The following ICAM5 variants were observed in gnomAD, a reference collection of about 807,000 sequenced individuals.
The protein encoded by ICAM5 is intercellular adhesion molecule 5.
ICAM5 carries 38 observed loss-of-function variants against 78.8 expected under a neutral mutation model. The ratio of observed to expected loss-of-function variants is 0.48; its 90% confidence interval spans 0.37 to 0.63. The LOEUF is 0.63. Among genes scored for constraint, ICAM5 ranks in the 30% least tolerant of loss-of-function variants. ICAM5 has a pLI of 0.00. For missense variants in ICAM5, 1,059 were observed against 1,303.0 expected (o/e 0.81, Z 2.88); for synonymous variants, 544 against 590.9 (o/e 0.92, Z 1.15).
Position 10,293,915 on chromosome 19 carries a change from G to T in ICAM5, c.1683G>T (p.Ala561=). 2 of 1,611,440 alleles carry T rather than the reference G, an allele frequency of 1.2e-6. No individual in the cohort carries two copies. Among genetic ancestry groups the T allele is most frequent in the South Asian group, 2.2e-5 (2 of 90,990 alleles). The change falls in exon 7 of 11, where the codon GCG becomes GCT. Residue 561 remains alanine (A), a synonymous_variant. Transcript: ENST00000221980. This position sits in a 1 kb window ranked among gnomAD's most constrained non-coding sequence, Gnocchi z 5.0. ...AAGCCACCAACCCTCGGGGCTCTGC[G>T]GCCAAAAATGTGGCCGTCACGGTGG... is the stretch of plus-strand genomic sequence containing the variant. ...RCEATNPRGS[A]AKNVAVTVEY... is the part of the protein sequence containing the mutation.
At position 10,293,295 on chromosome 19, in the gene ICAM5, G is replaced by A. The variant is rs1293669216; in HGVS notation, c.1465+49G>A. 6.5e-7 allele frequency: 1 copy of A among 1,528,234 alleles called. No homozygotes were observed. Among genetic ancestry groups the A allele is most frequent in the Admixed American group, 2.1e-5 (1 of 47,964 alleles). The allele number at this position is 1,528,234 out of a possible 1,614,324, so 94.7% of individuals were successfully genotyped here. On this transcript the variant is annotated intron_variant, in intron 6 of 10. Coordinates refer to ENST00000221980, the MANE Select transcript of ICAM5 (RefSeq NM_003259.4). This position sits in a 1 kb window ranked among gnomAD's most constrained non-coding sequence, Gnocchi z 5.0. ...ATTTCTATCTGGTTCAAGGTCTGGAGGGTGGCCAGCCTCCAGGGAAGAGTA... is the reference window on the plus strand; with the variant it reads ...ATTTCTATCTGGTTCAAGGTCTGGAAGGTGGCCAGCCTCCAGGGAAGAGTA...
chr19:10,290,017 G>A lies in ICAM5; in HGVS notation c.-27G>A. 6.5e-7 allele frequency: 1 copy of A among 1,530,070 alleles called. No individual in the cohort carries two copies. The highest frequency in any genetic ancestry group is 8.8e-7 in the Non-Finnish European group (1 of 1,142,118). The allele number at this position is 1,530,070 out of a possible 1,614,324, so 94.8% of individuals were successfully genotyped here. ...CAGCTCCTCGGCTCGCGCTCTCCTC[G>A]CCTCCTGTGCTTTCCCCGCCGCGGC... On this transcript the variant is annotated 5_prime_UTR_variant, in exon 1 of 11. Coordinates refer to ENST00000221980, the MANE Select transcript of ICAM5 (RefSeq NM_003259.4). The surrounding 1 kb of genome is among the most constrained non-coding windows in gnomAD (Gnocchi z 5.7).
chr19:10,296,518 G>A lies in ICAM5; in HGVS notation c.2677G>A (p.Gly893Arg). 1 of 1,213,876 alleles carries A rather than the reference G, an allele frequency of 8.2e-7. No individual in the cohort carries two copies. The allele number at this position is 1,213,876 out of a possible 1,614,324, so 75.2% of individuals were successfully genotyped here. ...CLNGAGGGAG[G>R]AAGAEGGPEA... ...GAACGGAGCGGGCGGCGGCGCTGGC[G>A]GGGCGGCAGGCGCGGAGGGCGGACC... Residue 893 changes from glycine (G) to arginine (R), a missense_variant, in exon 11 of 11, where the codon GGG (glycine) becomes AGG (arginine). This residue lies in a region of ICAM5 where 109 missense variants were observed against 120.0 expected (regional missense o/e 0.91). Coordinates refer to ENST00000221980, the MANE Select transcript of ICAM5 (RefSeq NM_003259.4).
Position 10,296,431 on chromosome 19 carries a change from GC to G in ICAM5, c.2592del (p.Cys865AlafsTer20). On this transcript the variant is annotated frameshift_variant, in exon 11 of 11. Transcript: ENST00000221980. LOFTEE classifies it high-confidence loss of function. Reference sequence around the variant, plus strand: ...CCTGGCCTTCTACGTGCAGTCCACCGCCTGCAAGAAGGGCGAGTACAACGTG... The same window carrying G: ...CCTGGCCTTCTACGTGCAGTCCACCGCTGCAAGAAGGGCGAGTACAACGTG... ...AGLAFYVQST[A>X]CKKGEYNVQE... The G allele has an allele frequency of 7.5e-7, 1 of 1,326,668 alleles. No homozygotes were observed. The highest frequency in any genetic ancestry group is 9.7e-7 in the Non-Finnish European group (1 of 1,025,646). 82.2% of individuals were successfully genotyped at this position (1,326,668 alleles called of 1,614,324 possible).
At position 10,290,632 on chromosome 19, in the gene ICAM5, A is replaced by C. The variant is rs932008813; in HGVS notation, c.83-440A>C. The C allele has an allele frequency of 8.9e-6, 2 of 225,920 alleles. No individual in the cohort carries two copies. The highest frequency in any genetic ancestry group is 1.7e-5 in the Non-Finnish European group (2 of 114,968). 14.0% of individuals were successfully genotyped at this position (225,920 alleles called of 1,614,324 possible). On this transcript the variant is annotated intron_variant, in intron 1 of 10. Coordinates refer to ENST00000221980, the MANE Select transcript of ICAM5 (RefSeq NM_003259.4). This position sits in a 1 kb window ranked among gnomAD's most constrained non-coding sequence, Gnocchi z 5.7. Reference sequence around the variant, plus strand: ...TTCACCGGGTGTAGGGTCCTTCCTGATCCTTGACCCAGCCTCGTCTCTCCT... The same window carrying C: ...TTCACCGGGTGTAGGGTCCTTCCTGCTCCTTGACCCAGCCTCGTCTCTCCT...
In ICAM5 at chr19:10,294,724, C is replaced by T. The variant is rs1002527145; in HGVS notation, c.2230+84C>T. 2.5e-6 allele frequency: 4 copies of T among 1,575,404 alleles called. No homozygotes were observed. Among genetic ancestry groups the T allele is most frequent in the Non-Finnish European group, 2.6e-6 (3 of 1,162,472 alleles). On this transcript the variant is annotated intron_variant, in intron 9 of 10. Coordinates refer to ENST00000221980, the MANE Select transcript of ICAM5 (RefSeq NM_003259.4). This position sits in a 1 kb window ranked among gnomAD's most constrained non-coding sequence, Gnocchi z 7.7. ...GGTGGGAGCATTCAAGGGCACCTCT[C>T]CCAATCCCATTCTCGGGGACAGGGA...
Position 10,292,737 on chromosome 19 carries a change from G to A in ICAM5, c.1087G>A (p.Gly363Arg). 1 of 1,613,426 alleles carries A rather than the reference G, an allele frequency of 6.2e-7. No individual in the cohort carries two copies. The highest frequency in any genetic ancestry group is 8.5e-7 in the Non-Finnish European group (1 of 1,179,976). ...TLEGVPAAVP[G>R]QPAQLQLNAT... ...GGAGGGAGTTCCAGCCGCGGTCCCG[G>A]GGCAGCCCGCCCAGCTTCAGCTAAA... The change falls in exon 5 of 11, where the codon GGG becomes AGG. Residue 363 changes from glycine to arginine, a missense_variant. Gly to Arg is a moderately radical substitution (Grantham distance 125). Transcript: ENST00000221980.
Position 10,292,156 on chromosome 19 carries a change from A to C in ICAM5, c.795A>C (p.Ala265=), listed in dbSNP as rs1239022730. 7.4e-6 allele frequency: 12 copies of C among 1,613,368 alleles called. No homozygotes were observed. The highest frequency in any genetic ancestry group is 1.1e-5 in the South Asian group (1 of 91,084). ...CCTCAGAGGCCAGGGTCTACCTCGC[A>C]CTGGGGGACCAGAATCTGAGTCCTG... ...FPASEARVYL[A]LGDQNLSPDV... Residue 265 remains alanine (A), a synonymous_variant, in exon 4 of 11, where the codon GCA becomes GCC. Coordinates refer to ENST00000221980, the MANE Select transcript of ICAM5 (RefSeq NM_003259.4).
Position 10,291,571 on chromosome 19 carries a change from C to G in ICAM5, c.435C>G (p.Pro145=). 1 of 1,612,498 alleles carries G rather than the reference C, an allele frequency of 6.2e-7. No individual in the cohort carries two copies. The highest frequency in any genetic ancestry group is 1.7e-5 in the Admixed American group (1 of 60,020). ...GENFTLSCRV[P]GAGPRASLTL... is the part of the protein sequence containing the mutation. ...ACTTCACCCTGAGCTGTAGGGTCCCCGGCGCCGGGCCCCGTGCGAGCCTCA... is the reference window on the plus strand; with the variant it reads ...ACTTCACCCTGAGCTGTAGGGTCCCGGGCGCCGGGCCCCGTGCGAGCCTCA... The change falls in exon 3 of 11, where the codon CCC becomes CCG. Residue 145 remains proline, a synonymous_variant. Transcript: ENST00000221980.
Position 10,293,285 on chromosome 19 carries a change from A to G in ICAM5, c.1465+39A>G, listed in dbSNP as rs757097057. 6.5e-7 allele frequency: 1 copy of G among 1,540,102 alleles called. No individual in the cohort carries two copies. Among genetic ancestry groups the G allele is most frequent in the South Asian group, 1.3e-5 (1 of 79,972 alleles). The stretch of plus-strand genomic sequence containing the variant: ...CGCAGGGTGCATTTCTATCTGGTTC[A>G]AGGTCTGGAGGGTGGCCAGCCTCCA... On this transcript the variant is annotated intron_variant, in intron 6 of 10. Transcript: ENST00000221980. The surrounding 1 kb of genome is among the most constrained non-coding windows in gnomAD (Gnocchi z 5.0).
chr19:10,291,846 G>T, intron 3 of ICAM5, 37 bp downstream of exon 3: 1 of 1,587,936 alleles, frequency 6.3e-7, no homozygotes, highest in Non-Finnish European at 8.6e-7. Flanking sequence ...GACCCAGTGG[G>T]GTCGGTCGGT....
Position 10,292,212 on chromosome 19 carries a change from C to T in ICAM5, c.851C>T (p.Ala284Val). The T allele has an allele frequency of 6.2e-7, 1 of 1,613,122 alleles. No individual in the cohort carries two copies. The highest frequency in any genetic ancestry group is 8.5e-7 in the Non-Finnish European group (1 of 1,179,988). ...ACCCTCGAAGGGGACGCATTCGTGG[C>T]CACTGCCACAGCCACAGCTAGCGCA... The part of the protein sequence containing the change: ...DVTLEGDAFV[A>V]TATATASAEQ... The change falls in exon 4 of 11, where the codon GCC becomes GTC. Residue 284 changes from alanine to valine, a missense_variant. Coordinates refer to ENST00000221980, the MANE Select transcript of ICAM5 (RefSeq NM_003259.4).
chr19:10,294,317 G>T lies in ICAM5; in HGVS notation c.1989G>T (p.Glu663Asp). Residue 663 changes from glutamate to aspartate, a missense_variant and splice_region_variant, in exon 8 of 11, where the codon GAG becomes GAT. By Grantham distance (45) the Glu-to-Asp change is conservative (BLOSUM62 2). Coordinates refer to ENST00000221980, the MANE Select transcript of ICAM5 (RefSeq NM_003259.4). This position sits in a 1 kb window ranked among gnomAD's most constrained non-coding sequence, Gnocchi z 7.7. ...CCAAAACAGTCGTCGTGAGCGCGGA[G>T]TGTGAGCGAGGCCCAGGCGGGTAGG... ...SVAKTVVVSA[E>D]SPPEMDESTC... The T allele has an allele frequency of 6.2e-7, 1 of 1,612,728 alleles. No homozygotes were observed. The highest frequency in any genetic ancestry group is 8.5e-7 in the Non-Finnish European group (1 of 1,179,544).
chr19:10,296,059 T>C (rs1382608558), intron 10 of ICAM5, among the ~76,000 whole-genome samples: 1 of 151,990 alleles, frequency 6.6e-6, no homozygotes, highest in African/African-American at 2.4e-5. Context: ...GTCCTGCCGG[T>C]CCTCATTTTT....
chr19:10,294,276 C>T lies in ICAM5; in HGVS notation c.1948C>T (p.Arg650Cys). Residue 650 changes from arginine to cysteine, a missense_variant, in exon 8 of 11, where the codon CGC becomes TGC. Physicochemically the swap from Arg to Cys is radical, Grantham distance 180 (BLOSUM62 -3). Coordinates refer to ENST00000221980, the MANE Select transcript of ICAM5 (RefSeq NM_003259.4). The surrounding 1 kb of genome is among the most constrained non-coding windows in gnomAD (Gnocchi z 7.7). Reference protein sequence around the residue: ...PGIYVCNATNRHGSVAKTVVV... With the variant: ...PGIYVCNATNCHGSVAKTVVV... Reference sequence around the variant, plus strand: ...TATCTACGTCTGCAACGCCACCAACCGCCACGGCTCCGTGGCCAAAACAGT... The same window carrying T: ...TATCTACGTCTGCAACGCCACCAACTGCCACGGCTCCGTGGCCAAAACAGT... 6.2e-7 allele frequency: 1 copy of T among 1,613,544 alleles called. No individual in the cohort carries two copies. Among genetic ancestry groups the T allele is most frequent in the Non-Finnish European group, 8.5e-7 (1 of 1,179,934 alleles).
Position 10,294,304 on chromosome 19 carries a change from T to A in ICAM5, c.1976T>A (p.Val659Asp). Residue 659 changes from valine to aspartate, a missense_variant, in exon 8 of 11, where the codon GTC becomes GAC. Physicochemically the swap from Val to Asp is radical, Grantham distance 152. Transcript: ENST00000221980. This position sits in a 1 kb window ranked among gnomAD's most constrained non-coding sequence, Gnocchi z 7.7. Reference sequence around the variant, plus strand: ...CACGGCTCCGTGGCCAAAACAGTCGTCGTGAGCGCGGAGTGTGAGCGAGGC... The same window carrying A: ...CACGGCTCCGTGGCCAAAACAGTCGACGTGAGCGCGGAGTGTGAGCGAGGC... Reference protein sequence around the residue: ...NRHGSVAKTVVVSAESPPEMD... With the variant: ...NRHGSVAKTVDVSAESPPEMD... 3.1e-6 allele frequency: 5 copies of A among 1,612,856 alleles called. No homozygotes were observed. Among genetic ancestry groups the A allele is most frequent in the Non-Finnish European group, 4.2e-6 (5 of 1,179,708 alleles).
chr19:10,294,067 G>A lies in ICAM5; in HGVS notation c.1739G>A (p.Cys580Tyr). 1 of 1,583,028 alleles carries A rather than the reference G, an allele frequency of 6.3e-7. No homozygotes were observed. The highest frequency in any genetic ancestry group is 8.6e-7 in the Non-Finnish European group (1 of 1,163,346). The stretch of plus-strand genomic sequence containing the variant: ...GGCCCCAGGTTTGAGGAGCCGAGCT[G>A]CCCCAGCAATTGGACATGGGTGGAA... Reference protein sequence around the residue: ...EYGPRFEEPSCPSNWTWVEGS... With the variant: ...EYGPRFEEPSYPSNWTWVEGS... The change falls in exon 8 of 11, where the codon TGC becomes TAC. Residue 580 changes from cysteine (C) to tyrosine (Y), a missense_variant. Cys to Tyr is a radical substitution (Grantham distance 194). Coordinates refer to ENST00000221980, the MANE Select transcript of ICAM5 (RefSeq NM_003259.4). The surrounding 1 kb of genome is among the most constrained non-coding windows in gnomAD (Gnocchi z 7.7).
chr19:10,291,047 G>C, intron 1 of ICAM5, 25 bp from the exon 2 acceptor site: 1 of 1,590,822 alleles, frequency 6.3e-7, no homozygotes, highest in Non-Finnish European at 8.6e-7. Context: ...GGCTCCCCAG[G>C]CTCAGCCCGC....
chr19:10,292,459 T>C, intron 4 of ICAM5, 137 bp downstream of exon 4: 1 of 1,362,376 alleles, frequency 7.3e-7, no homozygotes, highest in Non-Finnish European at 1.0e-6. Flanking sequence ...GGAGACGTAA[T>C]CGCTGGGGAG....
Sources: allele counts gnomAD v4.1 joint callset (sites outside exome capture counted in the v4.1 genomes callset), GRCh38; gene constraint gnomAD v4.1.1; regional missense constraint gnomAD v4.1.1; non-coding constraint Gnocchi (gnomAD v3.1); transcripts MANE v1.5; gene names NCBI Gene and HGNC (gene_info 2026-07-23, HGNC 2026-07-21).